UTRN: variants seen among roughly 807,000 people sequenced by gnomAD.
The protein encoded by UTRN is dystrophin-related protein 1.
In UTRN, 283 loss-of-function variants were observed where a neutral mutation model predicts 463.9. The observed-to-expected ratio is 0.61, with a 90% CI of 0.55 to 0.67. The LOEUF is 0.67. UTRN is among the 30% of genes least tolerant of loss of function. The pLI, the probability that UTRN is intolerant of heterozygous loss-of-function variation, is 0.00. For missense variants in UTRN, 3,922 were observed against 4,084.3 expected (o/e 0.96, Z 1.08); for synonymous variants, 1,442 against 1,431.5 (o/e 1.01, Z -0.17).
intron 2 of UTRN, among the ~76,000 whole-genome samples, chr6:144,395,162 AT>A (rs772311661): frequency 5.3e-5 from 8 of 152,178 alleles, no homozygotes; most frequent in Non-Finnish European, 8.8e-5. Flanking sequence ...CAATAAAAAA[AT>A]GTTTTCTGTT....
At chr6:144,700,739 G>GT (rs564541879) in intron 53 of UTRN, among the ~76,000 whole-genome samples, 7,861 of 136,994 alleles carry the variant, frequency 0.057, 507 homozygotes, top group African/African-American at 0.16. Context: ...AACTAACTTT[G>GT]TTTTTTTTTT....
At chr6:144,655,089 C>G (rs1231987124) in intron 51 of UTRN, among the ~76,000 whole-genome samples, 1 of 152,228 alleles carries the variant, frequency 6.6e-6, no homozygotes, top group African/African-American at 2.4e-5. Flanking sequence ...TGGCATTATA[C>G]TGAAGAGACA....
At position 144,490,909 on chromosome 6, in the gene UTRN, A is replaced by G. The variant is rs1490290889; in HGVS notation, c.4264-20A>G. On this transcript the variant is annotated intron_variant, in intron 31 of 74. Coordinates refer to ENST00000367545, the MANE Select transcript of UTRN (RefSeq NM_007124.3). ...ATAATCATCCTGATGGGAATTGCAT[A>G]TTTTCATTTCTGCAAACAGAGGAAA... is the stretch of plus-strand genomic sequence containing the variant. The G allele has an allele frequency of 6.4e-7, 1 of 1,557,202 alleles. No individual in the cohort carries two copies. The highest frequency in any genetic ancestry group is 2.3e-5 in the East Asian group (1 of 43,726).
At chr6:144,442,022 C>T (rs1378235272) in intron 13 of UTRN, among the ~76,000 whole-genome samples, 2 of 152,146 alleles carry the variant, frequency 1.3e-5, no homozygotes, top group African/African-American at 4.8e-5. Flanking sequence ...ATTTTTTCCT[C>T]CTAGGCCTCT....
chr6:144,840,450 A>G (rs958905950), intron 72 of UTRN, among the ~76,000 whole-genome samples: 4 of 152,174 alleles, frequency 2.6e-5, no homozygotes, highest in Non-Finnish European at 5.9e-5. Flanking sequence ...CACTGAAATA[A>G]TAAGACCATA....
In UTRN at chr6:144,793,915, T is replaced by TC. The variant is rs1365283039; in HGVS notation, c.9007dup (p.Arg3003ProfsTer5). On this transcript the variant is annotated frameshift_variant, in exon 63 of 75. Coordinates refer to ENST00000367545, the MANE Select transcript of UTRN (RefSeq NM_007124.3). LOFTEE classifies it high-confidence loss of function. ...CTGTTACTTCATGATGCCATCCAGA[T>TC]CCCCCGGCAGCTAGGTGAAGTAGCA... The TC allele has an allele frequency of 1.9e-6, 3 of 1,613,952 alleles. No homozygotes were observed. Among genetic ancestry groups the TC allele is most frequent in the Non-Finnish European group, 2.5e-6 (3 of 1,179,984 alleles).
At chr6:144,467,292 C>T (rs984696516) in intron 23 of UTRN, among the ~76,000 whole-genome samples, 4 of 152,194 alleles carry the variant, frequency 2.6e-5, no homozygotes, top group East Asian at 3.9e-4. Context: ...GCTAGATAAT[C>T]GTTCCCTCCT....
In UTRN at chr6:144,569,383, TA is replaced by T. The variant is rs1035474386; in HGVS notation, c.7290-7707del. ...AATTTGATACCAGCTATATATGCAT[TA>T]AAAAAAAATTCCAGGACACTTATCA... On this transcript the variant is annotated intron_variant, in intron 50 of 74. Coordinates refer to ENST00000367545, the MANE Select transcript of UTRN (RefSeq NM_007124.3). 3.2e-3 allele frequency among the ~76,000 whole-genome samples: 481 copies of T among 151,184 alleles called. 2 individuals are homozygous for T. The highest frequency in any genetic ancestry group is 0.011 in the African/African-American group (461 of 41,366).
intron 50 of UTRN, among the ~76,000 whole-genome samples, chr6:144,569,169 A>G (rs570820593): frequency 3.9e-5 from 6 of 152,168 alleles, no homozygotes; most frequent in African/African-American, 1.4e-4. Flanking sequence ...ACTAAGCTAT[A>G]GTCTATTAGA....
chr6:144,428,438 ACTTT>A (rs1340147674), intron 7 of UTRN, among the ~76,000 whole-genome samples: 1 of 99,372 alleles, frequency 1.0e-5, no homozygotes, highest in East Asian at 2.6e-4. Context: ...TTTTTTTTTT[ACTTT>A]CTTATCTCTT....
intron 7 of UTRN, among the ~76,000 whole-genome samples, chr6:144,426,712 T>C (rs1785324459): frequency 6.6e-6 from 1 of 152,198 alleles, no homozygotes; most frequent in Non-Finnish European, 1.5e-5. Context: ...TTAAAAAATA[T>C]GAAATAATTC....
chr6:144,737,201 A>G (rs1404951144), intron 54 of UTRN, among the ~76,000 whole-genome samples: 1 of 152,082 alleles, frequency 6.6e-6, no homozygotes, highest in African/African-American at 2.4e-5. Flanking sequence ...CTTTTCTTAG[A>G]TCATGGGAAA....
intron 51 of UTRN, among the ~76,000 whole-genome samples, chr6:144,616,879 A>G (rs1300575848): frequency 6.6e-6 from 1 of 152,186 alleles, no homozygotes; most frequent in East Asian, 1.9e-4. Flanking sequence ...CCAGCCCGCC[A>G]TAGCGTTCTA....
intron 2 of UTRN, among the ~76,000 whole-genome samples, chr6:144,312,465 G>T (rs2473153): frequency 0.55 from 82,535 of 150,982 alleles, 25,286 homozygotes; most frequent in African/African-American, 0.84. Context: ...AAGCACTCAA[G>T]AAATGTAAGC....
intron 2 of UTRN, among the ~76,000 whole-genome samples, chr6:144,396,169 C>CA (rs1426553298): frequency 6.6e-6 from 1 of 152,066 alleles, no homozygotes. Context: ...GTAGTTTATA[C>CA]ACACAATGGA....
chr6:144,561,484 CTG>C (rs906688250), intron 50 of UTRN, among the ~76,000 whole-genome samples: 1 of 151,782 alleles, frequency 6.6e-6, no homozygotes, highest in African/African-American at 2.4e-5. Flanking sequence ...GACAGTATAA[CTG>C]TGTGCTATAA....
At chr6:144,498,837 CAAAATGAGGTCTTTCATTTTGTAG>C (rs899570502) in intron 33 of UTRN, among the ~76,000 whole-genome samples, 9 of 151,982 alleles carry the variant, frequency 5.9e-5, no homozygotes, top group East Asian at 3.9e-4. Context: ...GTATTTTTTA[CAAAATGAGGTCTTTCATTTTGTAG>C]AAAATGAGGT....
chr6:144,500,955 C>G (rs949381861), intron 34 of UTRN, among the ~76,000 whole-genome samples: 2 of 152,110 alleles, frequency 1.3e-5, no homozygotes, highest in Non-Finnish European at 2.9e-5. Flanking sequence ...TTATATAAAG[C>G]CACAAGTATC....
intron 44 of UTRN, 28 bp downstream of exon 44, chr6:144,537,745 CT>C: frequency 6.2e-7 from 1 of 1,600,982 alleles, no homozygotes; most frequent in Non-Finnish European, 8.5e-7. Context: ...GTCTATATGC[CT>C]TTTGGTGCCC....
Sources: allele counts gnomAD v4.1 joint callset (sites outside exome capture counted in the v4.1 genomes callset), GRCh38; gene constraint gnomAD v4.1.1; transcripts MANE v1.5; gene names NCBI Gene and HGNC (gene_info 2026-07-23, HGNC 2026-07-21).